Variants in GLRA3 observed in about 807,000 individuals in gnomAD.
GLRA3 encodes glycine receptor alpha 3, also known as glycine receptor subunit alpha-3.
GLRA3 carries 44 observed loss-of-function variants against 60.4 expected under a neutral mutation model. The observed-to-expected ratio is 0.73, with a 90% confidence interval of 0.57 to 0.94. GLRA3 has a LOEUF of 0.94. Ranked by LOEUF, GLRA3 falls within the 40% of genes least tolerant of loss-of-function variation. GLRA3 has a pLI of 0.00. For missense variants in GLRA3, 508 were observed against 564.6 expected, an observed-to-expected ratio of 0.90 and a Z score of 1.02; for synonymous variants, 223 against 192.9, an observed-to-expected ratio of 1.16 and a Z score of -1.29.
At position 174,644,027 on chromosome 4, in the gene GLRA3, G is replaced by A; in HGVS notation, c.1154C>T (p.Ala385Val). 1 of 1,613,574 alleles carries A rather than the reference G, an allele frequency of 6.2e-7. No homozygotes were observed. Among genetic ancestry groups the A allele is most frequent in the Non-Finnish European group, 8.5e-7 (1 of 1,179,752 alleles). ...TTGTAGACATGGTCCCATTCCATAG[G>A]CTGTGAAGCTGAATCGGCTTTCCCT... Reference protein sequence around the residue: ...EVRESRFSFTAYGMGPCLQAK... With the variant: ...EVRESRFSFTVYGMGPCLQAK... The change falls in exon 10 of 10, where the codon GCC becomes GTC. Residue 385 changes from alanine (A) to valine (V), a missense_variant. Transcript: ENST00000274093.
intron 9 of GLRA3, among the ~76,000 whole-genome samples, chr4:174,654,345 A>G (rs1477442241): frequency 1.7e-5 from 2 of 118,316 alleles, no homozygotes; most frequent in African/African-American, 8.2e-5. Flanking sequence ...GTAAGACAGC[A>G]TATAAAAACA....
At chr4:174,810,604 T>C (rs932122783) in intron 1 of GLRA3, among the ~76,000 whole-genome samples, 51 of 152,254 alleles carry the variant, frequency 3.3e-4, no homozygotes, top group Non-Finnish European at 5.7e-4. Flanking sequence ...TTATCCAAAA[T>C]ATTTGGATTT....
At chr4:174,702,865 T>G (rs1234647882) in intron 5 of GLRA3, among the ~76,000 whole-genome samples, 1 of 152,220 alleles carries the variant, frequency 6.6e-6, no homozygotes, top group Non-Finnish European at 1.5e-5. Flanking sequence ...TTGAATCATA[T>G]TCATATATAA....
In GLRA3 at chr4:174,828,590, A is replaced by G. The variant is rs1741073753; in HGVS notation, c.71+151T>C. On this transcript the variant is annotated intron_variant, in intron 1 of 9. Transcript: ENST00000274093. ...TAGGTCTCAGTAGATAGACTGCTAA[A>G]TAATTTAGACAGAAAACAATACGAT... 6 of 610,828 alleles carry G rather than the reference A, an allele frequency of 9.8e-6. No homozygotes were observed. In the Admixed American group the frequency reaches 1.6e-4, roughly 16 times the overall value. 37.8% of individuals were successfully genotyped at this position (610,828 alleles called of 1,614,324 possible).
chr4:174,767,682 G>A (rs1470127141), intron 2 of GLRA3, among the ~76,000 whole-genome samples: 2 of 152,020 alleles, frequency 1.3e-5, no homozygotes. Context: ...CTTGCCAAGG[G>A]TCTTCCATGG....
intron 7 of GLRA3, among the ~76,000 whole-genome samples, chr4:174,670,318 C>T (rs1733857387): frequency 6.6e-6 from 1 of 152,088 alleles, no homozygotes; most frequent in South Asian, 2.1e-4. Context: ...CCCTTTTCCT[C>T]TGGAGTTCAA....
intron 7 of GLRA3, among the ~76,000 whole-genome samples, chr4:174,663,124 T>C (rs1733519469): frequency 6.6e-6 from 1 of 152,154 alleles, no homozygotes; most frequent in Non-Finnish European, 1.5e-5. Context: ...TCAACTTACA[T>C]ATGAAGTATT....
At chr4:174,687,245 T>C (rs1734582306) in intron 5 of GLRA3, among the ~76,000 whole-genome samples, 1 of 152,210 alleles carries the variant, frequency 6.6e-6, no homozygotes, top group Non-Finnish European at 1.5e-5. Flanking sequence ...AAACAGTAAA[T>C]ATCTTACAGT....
intron 9 of GLRA3, among the ~76,000 whole-genome samples, chr4:174,653,576 G>T (rs1326025692): frequency 6.6e-6 from 1 of 151,642 alleles, no homozygotes; most frequent in African/African-American, 2.4e-5. Context: ...ATTGATAAAT[G>T]GTAAAATTTA....
At chr4:174,758,677 T>C (rs1198143714) in intron 3 of GLRA3, among the ~76,000 whole-genome samples, 2 of 152,152 alleles carry the variant, frequency 1.3e-5, no homozygotes, top group African/African-American at 4.8e-5. Context: ...TTAACAAATA[T>C]ATCATCCTAA....
intron 8 of GLRA3, among the ~76,000 whole-genome samples, chr4:174,658,822 G>T (rs1242469648): frequency 6.6e-6 from 1 of 152,112 alleles, no homozygotes; most frequent in Non-Finnish European, 1.5e-5. Context: ...AAAAGAACTT[G>T]ATATAGGTCC....
intron 5 of GLRA3, chr4:174,712,507 A>T (rs1160401499): frequency 6.6e-6 from 1 of 152,174 alleles, no homozygotes; most frequent in Non-Finnish European, 1.5e-5. Context: ...GCCACTTGGA[A>T]CAGTTTTGAC....
chr4:174,782,289 T>C (rs1406722737), intron 2 of GLRA3, among the ~76,000 whole-genome samples: 1 of 150,304 alleles, frequency 6.7e-6, no homozygotes, highest in East Asian at 1.9e-4. Flanking sequence ...AAAAACTCTC[T>C]ATAAATTAGG....
chr4:174,722,093 A>G, intron 4 of GLRA3, among the ~76,000 whole-genome samples: 1 of 152,014 alleles, frequency 6.6e-6, no homozygotes, highest in East Asian at 1.9e-4. Flanking sequence ...TATCATCTGT[A>G]TTCTTGTCTA....
intron 3 of GLRA3, among the ~76,000 whole-genome samples, chr4:174,739,731 G>A (rs918956105): frequency 5.9e-5 from 9 of 152,118 alleles, no homozygotes; most frequent in Non-Finnish European, 8.8e-5. Context: ...AGCAGGAAGC[G>A]GTATGAAAAG....
At chr4:174,668,186 C>A (rs771537055) in intron 7 of GLRA3, among the ~76,000 whole-genome samples, 17 of 152,088 alleles carry the variant, frequency 1.1e-4, no homozygotes, top group Non-Finnish European at 2.1e-4. Flanking sequence ...GCCTGGATAG[C>A]CCATAGAATC....
chr4:174,676,489 C>T (rs1187815960), intron 7 of GLRA3, among the ~76,000 whole-genome samples: 1 of 151,950 alleles, frequency 6.6e-6, no homozygotes, highest in Non-Finnish European at 1.5e-5. Flanking sequence ...AGAATATATG[C>T]TAAGAACATA....
chr4:174,782,319 A>G (rs1738915078), intron 2 of GLRA3, among the ~76,000 whole-genome samples: 1 of 152,004 alleles, frequency 6.6e-6, no homozygotes, highest in South Asian at 2.1e-4. Context: ...GACGTATTTC[A>G]AAATAATAAG....
chr4:174,827,835 A>G (rs1380409391), intron 1 of GLRA3, among the ~76,000 whole-genome samples: 1 of 152,094 alleles, frequency 6.6e-6, no homozygotes, highest in Non-Finnish European at 1.5e-5. Flanking sequence ...CAGTATGCAT[A>G]TAACTTAGTT....
Sources: allele counts gnomAD v4.1 joint callset (sites outside exome capture counted in the v4.1 genomes callset), GRCh38; gene constraint gnomAD v4.1.1; transcripts MANE v1.5; gene names NCBI Gene and HGNC (gene_info 2026-07-23, HGNC 2026-07-21).